LIMD1: variants seen among roughly 807,000 people sequenced by gnomAD.
LIMD1 encodes the protein LIM domain-containing protein 1.
LIMD1 carries 23 observed loss-of-function variants against 58.4 expected under a neutral mutation model. The ratio of observed to expected loss-of-function variants is 0.39; its 90% CI spans 0.28 to 0.56. The LOEUF (loss-of-function observed/expected upper bound fraction) is 0.56. Ranked by LOEUF, LIMD1 falls within the 20% of genes least tolerant of loss-of-function variation. LIMD1 has a pLI of 0.57. For synonymous variants in LIMD1, 334 were observed against 345.5 expected (o/e 0.97, Z 0.37); for missense variants, 838 against 855.5 (o/e 0.98, Z 0.25).
At chr3:45,636,074 T>C in intron 1 of LIMD1, 76 bp from the exon 2 acceptor site, 1 of 1,600,190 alleles carries the variant, frequency 6.2e-7, no homozygotes, top group Middle Eastern at 1.7e-4. Context: ...GTATTATGCT[T>C]TGTTCATTGG....
chr3:45,658,948 T>C (rs1452181943), intron 2 of LIMD1, among the ~76,000 whole-genome samples: 2 of 152,176 alleles, frequency 1.3e-5, no homozygotes, highest in Non-Finnish European at 2.9e-5. Context: ...TTTCTTTATA[T>C]AGTTGAGATG....
At chr3:45,651,820 C>G (rs545642298) in intron 2 of LIMD1, among the ~76,000 whole-genome samples, 1 of 150,430 alleles carries the variant, frequency 6.6e-6, no homozygotes, top group South Asian at 2.1e-4. Flanking sequence ...TTAGTAGAGA[C>G]AGGGTTTTGC....
Position 45,616,463 on chromosome 3 carries a change from A to T in LIMD1, c.1409-19687A>T, listed in dbSNP as rs552485409. On this transcript the variant is annotated intron_variant, in intron 1 of 7. Transcript: ENST00000273317. ...CGGGTCACATCCCTCCTGGGCTTGG[A>T]AAGAATCCTTCAGTGCCCCCGACCC... Among the ~76,000 whole-genome samples the T allele has an allele frequency of 2.6e-5, 4 of 152,274 alleles. No homozygotes were observed. The East Asian group carries it at 7.7e-4, about 29-fold the overall frequency.
rs1697742478 is a variant in LIMD1 at position 45,681,558 on chromosome 3, A to C, written c.*4499A>C. On this transcript the variant is annotated 3_prime_UTR_variant, in exon 8 of 8. Coordinates refer to ENST00000273317, the MANE Select transcript of LIMD1 (RefSeq NM_014240.3). ...GTTCCCTGAGCCCCAGGCCCCAAGA[A>C]GAGGGCCAGGTGAGACCTGCACACG... The C allele has an allele frequency of 6.6e-6, 1 of 152,276 alleles. No homozygotes were observed. Among genetic ancestry groups the C allele is most frequent in the African/African-American group, 2.4e-5 (1 of 41,474 alleles). The allele number at this position is 152,276 out of a possible 1,614,324, so 9.4% of individuals were successfully genotyped here.
chr3:45,595,561 A>G lies in LIMD1; in HGVS notation c.682A>G (p.Asn228Asp). 6.2e-7 allele frequency: 1 copy of G among 1,613,912 alleles called. No individual in the cohort carries two copies. The highest frequency in any genetic ancestry group is 8.5e-7 in the Non-Finnish European group (1 of 1,179,972). The stretch of plus-strand genomic sequence containing the variant: ...CAAACCCTGCGGGGACCATCCCCTA[A>G]ATCACCGACAGCTCTCCCTGAGCTC... ...LPKPCGDHPL[N>D]HRQLSLSSSR... The change falls in exon 1 of 8, where the codon AAT (asparagine) becomes GAT (aspartate). Residue 228 changes from asparagine to aspartate, a missense_variant. Physicochemically the swap from Asn to Asp is conservative, Grantham distance 23 (BLOSUM62 1). Around this residue, in one of 3 missense-constraint regions of LIMD1, gnomAD observed 659 missense variants for 639.8 expected, o/e 1.03. Transcript: ENST00000273317.
At chr3:45,654,176 G>A (rs1273891672) in intron 2 of LIMD1, among the ~76,000 whole-genome samples, 3 of 152,146 alleles carry the variant, frequency 2.0e-5, no homozygotes, top group South Asian at 4.2e-4. Flanking sequence ...TCACTAACTG[G>A]GACAGTACAA....
rs372942693 is a variant in LIMD1 at position 45,681,885 on chromosome 3, C to T, written c.*4826C>T. 1.3e-5 allele frequency: 2 copies of T among 152,356 alleles called. No homozygotes were observed. The highest frequency in any genetic ancestry group is 2.9e-5 in the Non-Finnish European group (2 of 68,042). 9.4% of individuals were successfully genotyped at this position (152,356 alleles called of 1,614,324 possible). A position where few individuals can be genotyped will look rare whatever the true frequency, so the allele number is the denominator to read the frequency against. On this transcript the variant is annotated 3_prime_UTR_variant, in exon 8 of 8. Transcript: ENST00000273317. ...CCTGATGCAGTGACTTGTAAGGTCACTTTGTCTCTCTTGTGAATGTTACTG... is the reference window on the plus strand; with the variant it reads ...CCTGATGCAGTGACTTGTAAGGTCATTTTGTCTCTCTTGTGAATGTTACTG...
chr3:45,596,486 C>T (rs1460649681), intron 1 of LIMD1, among the ~76,000 whole-genome samples, 199 bp downstream of exon 1: 2 of 152,104 alleles, frequency 1.3e-5, no homozygotes, highest in Admixed American at 6.5e-5. Context: ...GGGCAGAAAG[C>T]GGACCTTGCA....
At chr3:45,643,744 G>A (rs1422245253) in intron 2 of LIMD1, among the ~76,000 whole-genome samples, 1 of 152,244 alleles carries the variant, frequency 6.6e-6, no homozygotes, top group African/African-American at 2.4e-5. Flanking sequence ...AAGCTGGGAA[G>A]CAGCCAGTCC....
At chr3:45,635,929 G>A in intron 1 of LIMD1, 2 of 985,276 alleles carry the variant, frequency 2.0e-6, no homozygotes, top group Non-Finnish European at 2.4e-6. Flanking sequence ...CAGTGGGGCA[G>A]GGAAAGTGGG....
intron 2 of LIMD1, among the ~76,000 whole-genome samples, chr3:45,646,959 C>T (rs1701914306): frequency 6.6e-6 from 1 of 152,130 alleles, no homozygotes; most frequent in Non-Finnish European, 1.5e-5. Context: ...AGCCACAATG[C>T]CCGGCCTCTA....
At chr3:45,628,207 G>A (rs1183409080) in intron 1 of LIMD1, among the ~76,000 whole-genome samples, 2 of 152,204 alleles carry the variant, frequency 1.3e-5, no homozygotes, top group East Asian at 3.9e-4. Context: ...AGTTGAAAAG[G>A]AGCTGAGAGT....
At chr3:45,627,381 T>C (rs17078139) in intron 1 of LIMD1, among the ~76,000 whole-genome samples, 10,538 of 152,258 alleles carry the variant, frequency 0.069, 1,183 homozygotes, top group African/African-American at 0.24. Flanking sequence ...TTAGATTTAA[T>C]CTTTGAACTT....
chr3:45,684,135 A>C lies in LIMD1; in HGVS notation c.*7076A>C, dbSNP rs958580881. On this transcript the variant is annotated 3_prime_UTR_variant, in exon 8 of 8. Coordinates refer to ENST00000273317, the MANE Select transcript of LIMD1 (RefSeq NM_014240.3). The stretch of plus-strand genomic sequence containing the variant: ...CAGAGAGATCTGGTTAGAAGTTCCC[A>C]GGTAGGCGACAGCCCTAGATGTGTG... 3 of 152,236 alleles carry C rather than the reference A, an allele frequency of 2.0e-5. No homozygotes were observed. The highest frequency in any genetic ancestry group is 1.3e-4 in the Admixed American group (2 of 15,284). The allele number at this position is 152,236 out of a possible 1,614,324, so 9.4% of individuals were successfully genotyped here. A position where few individuals can be genotyped will look rare whatever the true frequency, so the allele number is the denominator to read the frequency against.
chr3:45,673,839 A>G (rs1336669798), intron 6 of LIMD1: 1 of 331,072 alleles, frequency 3.0e-6, no homozygotes, highest in Non-Finnish European at 5.7e-6. Context: ...GCAGCGAGCT[A>G]TGATGGTGCT....
chr3:45,615,007 C>T (rs373899690), intron 1 of LIMD1, among the ~76,000 whole-genome samples: 2 of 151,866 alleles, frequency 1.3e-5, no homozygotes, highest in Admixed American at 6.6e-5. Flanking sequence ...TAGAGGATGT[C>T]GGGGAGCAGA....
intron 2 of LIMD1, among the ~76,000 whole-genome samples, chr3:45,641,081 GT>G (rs1247641948): frequency 3.3e-5 from 5 of 152,154 alleles, no homozygotes; most frequent in African/African-American, 1.2e-4. Flanking sequence ...AGCTCTGCAG[GT>G]CCTGAGTGTG....
chr3:45,595,713 A>T lies in LIMD1; in HGVS notation c.834A>T (p.Pro278=), dbSNP rs1166427797. 1 of 1,614,056 alleles carries T rather than the reference A, an allele frequency of 6.2e-7. No individual in the cohort carries two copies. The highest frequency in any genetic ancestry group is 1.7e-5 in the Admixed American group (1 of 60,026). Residue 278 remains proline, a synonymous_variant, in exon 1 of 8, where the codon CCA becomes CCT. Transcript: ENST00000273317. The stretch of plus-strand genomic sequence containing the variant: ...GGGTGAGCCCTGGCCTGCCTTCCCC[A>T]AACTTGGAGAACGGAGCACCAGCTG... The part of the protein sequence containing the change: ...SQRVSPGLPS[P]NLENGAPAVG...
intron 2 of LIMD1, among the ~76,000 whole-genome samples, chr3:45,658,901 A>T (rs565891161): frequency 4.6e-5 from 7 of 152,100 alleles, no homozygotes; most frequent in Non-Finnish European, 8.8e-5. Context: ...GTTGCCACTC[A>T]TGGGCAGATT....
Sources: gnomAD v4.1 joint callset for allele counts (sites outside exome capture counted in the v4.1 genomes callset) on GRCh38, gnomAD v4.1.1 for gene constraint, gnomAD v4.1.1 regional missense constraint, MANE v1.5 for transcripts, NCBI Gene and HGNC (gene_info 2026-07-23, HGNC 2026-07-21) for gene names.